Variants in SUSD2 observed in about 807,000 individuals in gnomAD.
SUSD2 encodes the protein sushi domain-containing protein 2.
In SUSD2, 86 loss-of-function variants were observed where a neutral mutation model predicts 93.8. The ratio of observed to expected loss-of-function variants is 0.92; its 90% CI spans 0.77 to 1.10. The LOEUF is 1.10. Ranked by LOEUF, SUSD2 falls within the 50% of genes least tolerant of loss-of-function variation. The pLI is 0.00. For synonymous variants in SUSD2, 483 were observed against 485.0 expected, an observed-to-expected ratio of 1.00 and a Z score of 0.05; for missense variants, 1,060 against 1,137.0, an observed-to-expected ratio of 0.93 and a Z score of 0.97.
rs1183743826 is a variant in SUSD2, at chr22:24,183,578, G to T, written c.371G>T (p.Gly124Val). The change falls in exon 3 of 15, where the codon GGC (glycine) becomes GTC (valine). Residue 124 changes from glycine (G) to valine (V), a missense_variant. Physicochemically the swap from Gly to Val is moderately radical, Grantham distance 109. Transcript: ENST00000358321. ...GTGTCACCTCTGCTCTATGAGAGCG[G>T]CCGCATCCCCTTCACTGTGTCACTG... ...HCVSPLLYESGRIPFTVSLDN... is the reference protein window; with the variant it reads ...HCVSPLLYESVRIPFTVSLDN... 6 of 1,613,374 alleles carry T rather than the reference G, an allele frequency of 3.7e-6. No homozygotes were observed. The South Asian group carries it at 5.5e-5, about 15-fold the overall frequency.
At chr22:24,186,989 G>A in intron 10 of SUSD2, 1 of 617,782 alleles carries the variant, frequency 1.6e-6, no homozygotes, top group Non-Finnish European at 2.8e-6. Flanking sequence ...TCACTGCAGG[G>A]GCTGCACCTC....
At position 24,186,371 on chromosome 22, in the gene SUSD2, A is replaced by G. The variant is rs2047366732; in HGVS notation, c.1598A>G (p.Gln533Arg). 6.2e-7 allele frequency: 1 copy of G among 1,613,710 alleles called. No individual in the cohort carries two copies. The highest frequency in any genetic ancestry group is 8.5e-7 in the Non-Finnish European group (1 of 1,180,048). ...GGAGGTCTGGAGGTGCTGCTGAACCAGGAGGTGCTGAGCTTCACCGAGCAG... is the reference window on the plus strand; with the variant it reads ...GGAGGTCTGGAGGTGCTGCTGAACCGGGAGGTGCTGAGCTTCACCGAGCAG... The part of the protein sequence containing the change: ...RTGGLEVLLN[Q>R]EVLSFTEQSW... Residue 533 changes from glutamine to arginine, a missense_variant, in exon 10 of 15, where the codon CAG (glutamine) becomes CGG (arginine). Gln to Arg is a conservative substitution (Grantham distance 43, BLOSUM62 1). This residue lies in a region of SUSD2 where 973 missense variants were observed against 1,005.3 expected (regional missense o/e 0.97). Transcript: ENST00000358321.
At chr22:24,186,805 A>T in intron 10 of SUSD2, 1 of 399,520 alleles carries the variant, frequency 2.5e-6, no homozygotes, top group Admixed American at 3.9e-5. Flanking sequence ...CCACATCTGA[A>T]CCCCTTGCCT....
At chr22:24,182,774 T>G (rs2087930174) in intron 1 of SUSD2, 1 of 405,392 alleles carries the variant, frequency 2.5e-6, no homozygotes, top group Admixed American at 4.2e-5. Flanking sequence ...GGGCTTCTCC[T>G]GACCCTGCAG....
chr22:24,184,934 G>A lies in SUSD2; in HGVS notation c.776G>A (p.Gly259Glu). ...LRIIDSKNYA[G>E]QKDVQALWTN... The stretch of plus-strand genomic sequence containing the variant: ...ATCATCGACAGCAAAAATTACGCAG[G>A]GCAGAAGTAAGAAGGCATGGATGTG... Residue 259 changes from glycine (G) to glutamate (E), a missense_variant, in exon 5 of 15, where the codon GGG becomes GAG. Coordinates refer to ENST00000358321, the MANE Select transcript of SUSD2 (RefSeq NM_019601.4). The A allele has an allele frequency of 6.2e-7, 1 of 1,613,642 alleles. No homozygotes were observed. Among genetic ancestry groups the A allele is most frequent in the Non-Finnish European group, 8.5e-7 (1 of 1,179,862 alleles).
Position 24,183,640 on chromosome 22 carries a change from C to G in SUSD2, c.433C>G (p.Leu145Val). Residue 145 changes from leucine to valine, a missense_variant, in exon 3 of 15, where the codon CTG (leucine) becomes GTG (valine). Around this residue, in one of 2 missense-constraint regions of SUSD2, gnomAD observed 973 missense variants for 1,005.3 expected, o/e 0.97. Transcript: ENST00000358321. ...CTCCTTCCCTCGTGCGGGCACCTGG[C>G]TGGCTGGTGAGCCCTCCTCCCTGCC... ...GHSFPRAGTWLAVHPNKVSMM... is the reference protein window; with the variant it reads ...GHSFPRAGTWVAVHPNKVSMM... The G allele has an allele frequency of 6.2e-7, 1 of 1,610,848 alleles. No individual in the cohort carries two copies. The highest frequency in any genetic ancestry group is 8.5e-7 in the Non-Finnish European group (1 of 1,179,808).
Position 24,188,296 on chromosome 22 carries a change from T to G in SUSD2, c.2413T>G (p.Tyr805Asp), listed in dbSNP as rs1211716325. 1.2e-6 allele frequency: 2 copies of G among 1,606,276 alleles called. No homozygotes were observed. Among genetic ancestry groups the G allele is most frequent in the Non-Finnish European group, 1.7e-6 (2 of 1,176,854 alleles). ...LAVVAAVALV[Y>D]VLLRRRKGNT... is the part of the protein sequence containing the mutation. ...GGTGGTGGCGGCGGTTGCGCTCGTC[T>G]ATGTGCTGCTGCGCCGCAGGAAGGG... The change falls in exon 14 of 15, where the codon TAT (tyrosine) becomes GAT (aspartate). Residue 805 changes from tyrosine to aspartate, a missense_variant. Physicochemically the swap from Tyr to Asp is radical, Grantham distance 160. Coordinates refer to ENST00000358321, the MANE Select transcript of SUSD2 (RefSeq NM_019601.4). This position sits in a 1 kb window ranked among gnomAD's most constrained non-coding sequence, Gnocchi z 4.7.
Position 24,185,834 on chromosome 22 carries a change from G to T in SUSD2, c.1244G>T (p.Ser415Ile), listed in dbSNP as rs1569340385. 1 of 1,608,328 alleles carries T rather than the reference G, an allele frequency of 6.2e-7. No homozygotes were observed. Residue 415 changes from serine to isoleucine, a missense_variant, in exon 8 of 15, where the codon AGC becomes ATC. Coordinates refer to ENST00000358321, the MANE Select transcript of SUSD2 (RefSeq NM_019601.4). Reference protein sequence around the residue: ...SMSHWLYDVLSFYYCCLWAPD... With the variant: ...SMSHWLYDVLIFYYCCLWAPD... The stretch of plus-strand genomic sequence containing the variant: ...TCCCACTGGCTCTACGATGTCCTCA[G>T]CTTCTATTACTGCTGCCTCTGGGCA...
At chr22:24,182,832 G>A (rs867413226) in intron 1 of SUSD2, 17 of 559,870 alleles carry the variant, frequency 3.0e-5, no homozygotes, top group South Asian at 4.5e-5. Flanking sequence ...ATTCTAGCCC[G>A]TCAGTCAGGG....
rs752217846 is a variant in SUSD2, at chr22:24,185,211, G to A, written c.900G>A (p.Glu300=). ...RTQCQAWEEL[E]DQLPNFLEEL... ...AGTGCCAGGCCTGGGAGGAGCTGGA[G>A]GATCAGCTGCCCAACTTCCTGGAGG... Residue 300 remains glutamate, a synonymous_variant, in exon 6 of 15, where the codon GAG becomes GAA. Coordinates refer to ENST00000358321, the MANE Select transcript of SUSD2 (RefSeq NM_019601.4). The A allele has an allele frequency of 1.2e-5, 19 of 1,610,792 alleles. No individual in the cohort carries two copies. The Admixed American group carries it at 1.7e-4, about 14-fold the overall frequency.
intron 10 of SUSD2, 197 bp from the exon 11 acceptor site, chr22:24,187,005 C>T: frequency 1.5e-6 from 1 of 651,090 alleles, no homozygotes. Flanking sequence ...ACCTCAGGTG[C>T]CGCTGGGAGT....
In SUSD2 at chr22:24,183,564, G is replaced by C. The variant is rs1216440162; in HGVS notation, c.357G>C (p.Leu119=). 2 of 1,613,512 alleles carry C rather than the reference G, an allele frequency of 1.2e-6. No homozygotes were observed. The highest frequency in any genetic ancestry group is 1.7e-6 in the Non-Finnish European group (2 of 1,180,014). The change falls in exon 3 of 15, where the codon CTG becomes CTC. Residue 119 remains leucine (L), a synonymous_variant. Coordinates refer to ENST00000358321, the MANE Select transcript of SUSD2 (RefSeq NM_019601.4). ...SSGQVHCVSP[L]LYESGRIPFT... Reference sequence around the variant, plus strand: ...GGCAAGTGCACTGTGTGTCACCTCTGCTCTATGAGAGCGGCCGCATCCCCT... The same window carrying C: ...GGCAAGTGCACTGTGTGTCACCTCTCCTCTATGAGAGCGGCCGCATCCCCT...
In SUSD2 at chr22:24,187,942, C is replaced by T; in HGVS notation, c.2165-17C>T. On this transcript the variant is annotated splice_polypyrimidine_tract_variant and intron_variant, in intron 12 of 14. Coordinates refer to ENST00000358321, the MANE Select transcript of SUSD2 (RefSeq NM_019601.4). ...TGGCAGCTCAGGCCTGTTGTCTGCA[C>T]TCTGTCCCCATCCCAGTGGTGTCCT... The T allele has an allele frequency of 1.2e-6, 2 of 1,612,152 alleles. No individual in the cohort carries two copies. Among genetic ancestry groups the T allele is most frequent in the African/African-American group, 1.3e-5 (1 of 75,044 alleles).
rs1481634241 is a variant in SUSD2, at chr22:24,186,042, G to A, written c.1366G>A (p.Val456Met). ...LASAFGDPHF[V>M]TFDGTNFTFN... ...CTCCGCCTTCGGAGACCCACACTTT[G>A]TGACCTTCGACGGCACCAACTTCAC... The change falls in exon 9 of 15, where the codon GTG becomes ATG. Residue 456 changes from valine (V) to methionine (M), a missense_variant. By Grantham distance (21) the Val-to-Met change is conservative. Coordinates refer to ENST00000358321, the MANE Select transcript of SUSD2 (RefSeq NM_019601.4). 6.2e-7 allele frequency: 1 copy of A among 1,611,808 alleles called. No homozygotes were observed. The highest frequency in any genetic ancestry group is 8.5e-7 in the Non-Finnish European group (1 of 1,179,044).
chr22:24,187,650 C>G lies in SUSD2; in HGVS notation c.1971C>G (p.His657Gln). The G allele has an allele frequency of 6.2e-7, 1 of 1,614,136 alleles. No homozygotes were observed. The change falls in exon 12 of 15, where the codon CAC (histidine) becomes CAG (glutamine). Residue 657 changes from histidine to glutamine, a missense_variant. By Grantham distance (24) the His-to-Gln change is conservative. Around this residue, in one of 2 missense-constraint regions of SUSD2, gnomAD observed 973 missense variants for 1,005.3 expected, o/e 0.97. Coordinates refer to ENST00000358321, the MANE Select transcript of SUSD2 (RefSeq NM_019601.4). ...ACAACTTCCTGTACCAACCCAAGCA[C>G]GACCCCACCTTCGAGCCCCTCTTCC... is the stretch of plus-strand genomic sequence containing the variant. ...LVHNFLYQPKHDPTFEPLFPS... is the reference protein window; with the variant it reads ...LVHNFLYQPKQDPTFEPLFPS...
chr22:24,185,742 C>T lies in SUSD2; in HGVS notation c.1152C>T (p.Ser384=). Residue 384 remains serine (S), a synonymous_variant, in exon 8 of 15, where the codon AGC becomes AGT. Transcript: ENST00000358321. ...QLLTADSSGG[S]TPDRGHDWGA... is the part of the protein sequence containing the mutation. ...TGACAGCTGACTCCAGCGGCGGCAGCACTCCCGACCGCGGCCATGACTGGG... is the reference window on the plus strand; with the variant it reads ...TGACAGCTGACTCCAGCGGCGGCAGTACTCCCGACCGCGGCCATGACTGGG... 1 of 1,608,940 alleles carries T rather than the reference C, an allele frequency of 6.2e-7. No individual in the cohort carries two copies. The highest frequency in any genetic ancestry group is 1.3e-5 in the African/African-American group (1 of 74,982).
Position 24,185,489 on chromosome 22 carries a change from G to A in SUSD2, c.988G>A (p.Asp330Asn), listed in dbSNP as rs1315772278. ...ACAGCCACCTGCTGCTCTGCAGACG[G>A]ACTACGGCTGTGACATGGAGCAGGG... is the stretch of plus-strand genomic sequence containing the variant. Reference protein sequence around the residue: ...ARADSGRFFTDYGCDMEQGSV... With the variant: ...ARADSGRFFTNYGCDMEQGSV... The change falls in exon 7 of 15, where the codon GAC (aspartate) becomes AAC (asparagine). Residue 330 changes from aspartate to asparagine, a missense_variant. Asp to Asn is a conservative substitution (Grantham distance 23). Transcript: ENST00000358321. 1 of 1,562,338 alleles carries A rather than the reference G, an allele frequency of 6.4e-7. No homozygotes were observed. The highest frequency in any genetic ancestry group is 8.7e-7 in the Non-Finnish European group (1 of 1,153,106).
chr22:24,182,157 G>A (rs1329729920), intron 1 of SUSD2, among the ~76,000 whole-genome samples: 1 of 152,246 alleles, frequency 6.6e-6, no homozygotes, highest in Admixed American at 6.5e-5. Context: ...CAGCGGGGTG[G>A]CTCAGGCCCA....
In SUSD2 at chr22:24,185,928, G is replaced by T. The variant is rs1385173853; in HGVS notation, c.1338G>T (p.Leu446=). ...GCCGCAACTACCGGCCCCCAAGACT[G>T]GGTGGGTGCCATCCCGTGCCCCAGA... ...NDCRNYRPPR[L]ASAFGDPHFV... is the part of the protein sequence containing the mutation. Residue 446 remains leucine, a splice_region_variant and synonymous_variant, in exon 8 of 15, where the codon CTG becomes CTT. Coordinates refer to ENST00000358321, the MANE Select transcript of SUSD2 (RefSeq NM_019601.4). 1 of 1,569,286 alleles carries T rather than the reference G, an allele frequency of 6.4e-7. No individual in the cohort carries two copies. Among genetic ancestry groups the T allele is most frequent in the East Asian group, 2.3e-5 (1 of 43,530 alleles).
Sources: gnomAD v4.1 joint callset for allele counts (sites outside exome capture counted in the v4.1 genomes callset) on GRCh38, gnomAD v4.1.1 for gene constraint, gnomAD v4.1.1 regional missense constraint, Gnocchi (gnomAD v3.1) non-coding constraint, MANE v1.5 for transcripts, NCBI Gene and HGNC (gene_info 2026-07-23, HGNC 2026-07-21) for gene names.